Variants in PIWIL1 observed in about 807,000 individuals in gnomAD.
PIWIL1 encodes piwi like RNA-mediated gene silencing 1, also known as piwi-like protein 1.
PIWIL1 carries 73 observed loss-of-function variants against 114.4 expected under a neutral mutation model. The observed-to-expected ratio is 0.64, with a 90% CI of 0.53 to 0.78. The LOEUF (loss-of-function observed/expected upper bound fraction) is 0.78. Ranked by LOEUF, PIWIL1 falls within the 30% of genes least tolerant of loss-of-function variation. The probability of loss-of-function intolerance (pLI) is 0.00; values close to 1 mark genes in which losing one functional copy is unlikely to be tolerated. For synonymous variants in PIWIL1, 375 were observed against 369.0 expected (o/e 1.02, Z -0.19); for missense variants, 723 against 1,063.1 (o/e 0.68, Z 4.45).
At chr12:130,343,621 C>CTTTTTTTTTTTTTTT (rs533583982) in intron 3 of PIWIL1, among the ~76,000 whole-genome samples, 1 of 116,504 alleles carries the variant, frequency 8.6e-6, no homozygotes, top group Non-Finnish European at 1.7e-5. Flanking sequence ...TTGAAGGATT[C>CTTTTTTTTTTTTTTT]TTTTTTTTTT....
At chr12:130,402,646 T>C in the PIWIL1 span, among the ~76,000 whole-genome samples, 1 of 152,224 alleles carries the variant, frequency 6.6e-6, no homozygotes, top group Non-Finnish European at 1.5e-5. Context: ...ACCATTTCTC[T>C]ATTTGCGGCC....
intron 16 of PIWIL1, 111 bp from the exon 17 acceptor site, chr12:130,362,655 C>T (rs576829927): frequency 2.3e-6 from 2 of 869,864 alleles, no homozygotes; most frequent in South Asian, 3.1e-5. Context: ...GTCTTTAAGG[C>T]AGTTACAAAG....
At chr12:130,348,894 AAAAT>A (rs918633233) in intron 7 of PIWIL1, among the ~76,000 whole-genome samples, 3 of 152,188 alleles carry the variant, frequency 2.0e-5, no homozygotes, top group Non-Finnish European at 2.9e-5. Flanking sequence ...AGACACTAAG[AAAAT>A]AAATAAATAA....
the PIWIL1 span, among the ~76,000 whole-genome samples, chr12:130,410,455 G>A: frequency 6.6e-6 from 1 of 152,042 alleles, no homozygotes; most frequent in Non-Finnish European, 1.5e-5. Context: ...TTATTATAAA[G>A]TTTTCTCCTG....
chr12:130,339,779 C>T (rs908453208), intron 1 of PIWIL1: 1 of 152,188 alleles, frequency 6.6e-6, no homozygotes, highest in East Asian at 1.9e-4. Context: ...GGGCTGCTTC[C>T]AGTCGGCTTC....
the PIWIL1 span, chr12:130,412,743 G>C: frequency 6.2e-7 from 1 of 1,613,926 alleles, no homozygotes; most frequent in Non-Finnish European, 8.5e-7. Context: ...GCCGGGCACA[G>C]GTTTCCCCAC....
At chr12:130,378,268 T>C in the PIWIL1 span, among the ~76,000 whole-genome samples, 1 of 152,206 alleles carries the variant, frequency 6.6e-6, no homozygotes, top group South Asian at 2.1e-4. Flanking sequence ...TCTTTTGGTC[T>C]GCCTGGTGTT....
At chr12:130,367,016 T>C (rs1040632468) in intron 18 of PIWIL1, 117 bp from the exon 19 acceptor site, 2 of 1,170,228 alleles carry the variant, frequency 1.7e-6, no homozygotes, top group Non-Finnish European at 2.5e-6. Flanking sequence ...CCTGGACAGA[T>C]GATACGCCCC....
At chr12:130,406,065 C>T in the PIWIL1 span, 124 of 715,924 alleles carry the variant, frequency 1.7e-4, 1 homozygote, top group African/African-American at 9.4e-4. Context: ...AGGCGTATGA[C>T]GTTCATGCCC....
At chr12:130,352,738 G>A (rs551564422) in intron 9 of PIWIL1, among the ~76,000 whole-genome samples, 26 of 152,268 alleles carry the variant, frequency 1.7e-4, no homozygotes, top group African/African-American at 5.1e-4. Flanking sequence ...TGGAGGGGGC[G>A]TAGCGAGTAC....
chr12:130,412,561 G>C, the PIWIL1 span: 1 of 1,500,138 alleles, frequency 6.7e-7, no homozygotes, highest in African/African-American at 1.4e-5. Context: ...CTCTCTGAGC[G>C]GCAGGTGTTT....
chr12:130,357,809 C>T (rs2073405429), intron 14 of PIWIL1, among the ~76,000 whole-genome samples: 1 of 152,118 alleles, frequency 6.6e-6, no homozygotes, highest in Non-Finnish European at 1.5e-5. Context: ...TATTCAGACC[C>T]AAAGGCTTTA....
At chr12:130,342,320 A>G in intron 1 of PIWIL1, 3 of 485,950 alleles carry the variant, frequency 6.2e-6, no homozygotes, top group Non-Finnish European at 1.1e-5. Context: ...TAAATAATCC[A>G]AATGAAAAAC....
the PIWIL1 span, chr12:130,424,647 C>G: frequency 8.1e-7 from 1 of 1,231,988 alleles, no homozygotes; most frequent in East Asian, 3.2e-5. The surrounding 1 kb of genome is among the most constrained non-coding windows in gnomAD (Gnocchi z 9.8). Flanking sequence ...GGCCTCGTCG[C>G]CCCTGTAGGG....
At chr12:130,362,931 A>G (rs2073553753) in intron 17 of PIWIL1, 60 bp from the exon 18 acceptor site, 2 of 1,611,814 alleles carry the variant, frequency 1.2e-6, no homozygotes, top group East Asian at 2.2e-5. Context: ...GACTTTGGGA[A>G]GAACAGACGA....
At chr12:130,338,537 A>G (rs71446298) in intron 1 of PIWIL1, among the ~76,000 whole-genome samples, 102 of 6,144 alleles carry the variant, frequency 0.017, 5 homozygotes, top group Admixed American at 0.027. Context: ...GGAGATGCAG[A>G]AGCCGGGTGC....
chr12:130,424,022 C>T, the PIWIL1 span: 28 of 502,570 alleles, frequency 5.6e-5, no homozygotes, highest in African/African-American at 9.9e-5. The surrounding 1 kb of genome is among the most constrained non-coding windows in gnomAD (Gnocchi z 9.8). Flanking sequence ...GCAGGGAAAA[C>T]GAAAGACAGC....
intron 18 of PIWIL1, 59 bp from the exon 19 acceptor site, chr12:130,367,074 A>T: frequency 1.3e-6 from 2 of 1,598,456 alleles, no homozygotes; most frequent in Non-Finnish European, 1.7e-6. Context: ...CACCTGAATG[A>T]ATGAGTGCCC....
chr12:130,341,198 C>T (rs2072910235), intron 1 of PIWIL1, among the ~76,000 whole-genome samples: 3 of 152,224 alleles, frequency 2.0e-5, no homozygotes, highest in South Asian at 4.1e-4. Context: ...CTGCTCCCTG[C>T]CCACATGAAA....
Sources: gnomAD v4.1 joint callset for allele counts (sites outside exome capture counted in the v4.1 genomes callset) on GRCh38, gnomAD v4.1.1 for gene constraint, Gnocchi (gnomAD v3.1) non-coding constraint, MANE v1.5 for transcripts, NCBI Gene and HGNC (gene_info 2026-07-23, HGNC 2026-07-21) for gene names.